Variants in MCTP2 observed in about 807,000 individuals in gnomAD.
MCTP2 encodes multiple C2 and transmembrane domain-containing protein 2.
A neutral mutation model predicts 111.6 loss-of-function variants in MCTP2; 132 were observed. The ratio of observed to expected loss-of-function variants is 1.18; its 90% confidence interval spans 1.03 to 1.37. The LOEUF is 1.37. MCTP2 is among the 40% of genes most tolerant of loss of function. The pLI, the probability that MCTP2 is intolerant of heterozygous loss-of-function variation, is 0.00. For synonymous variants in MCTP2, 395 were observed against 387.7 expected, an observed-to-expected ratio of 1.02 and a Z score of -0.22; for missense variants, 1,183 against 1,067.9, an observed-to-expected ratio of 1.11 and a Z score of -1.50.
Position 94,398,915 on chromosome 15 carries a change from A to G in MCTP2, c.1789-46A>G, listed in dbSNP as rs368399305. On this transcript the variant is annotated intron_variant, in intron 14 of 22. Coordinates refer to ENST00000357742, the MANE Select transcript of MCTP2 (RefSeq NM_001385001.1). ...GTTTTGGTTATTTACTTTAAACCAC[A>G]TAGTAATTTTGCACCAATGTGTATT... 3.1e-5 allele frequency: 36 copies of G among 1,173,570 alleles called. No individual in the cohort carries two copies. The East Asian group carries it at 6.6e-4, about 21-fold the overall frequency. 72.7% of individuals were successfully genotyped at this position (1,173,570 alleles called of 1,614,324 possible).
At chr15:94,456,941 G>A (rs189239695) in intron 19 of MCTP2, among the ~76,000 whole-genome samples, 251 of 152,344 alleles carry the variant, frequency 1.6e-3, no homozygotes, top group Admixed American at 4.2e-3. Context: ...CCTATTGGTA[G>A]TGGGTTCTCT....
At chr15:94,412,840 C>T (rs530462233) in intron 17 of MCTP2, among the ~76,000 whole-genome samples, 8 of 151,566 alleles carry the variant, frequency 5.3e-5, no homozygotes, top group Non-Finnish European at 1.0e-4. Flanking sequence ...CTTTTATAGG[C>T]TAATTCATTA....
chr15:94,413,692 T>C (rs8037281), intron 17 of MCTP2, among the ~76,000 whole-genome samples: 23,517 of 152,094 alleles, frequency 0.15, 2,021 homozygotes, highest in Non-Finnish European at 0.2. Context: ...TTAATGTGAC[T>C]AGGATCACAA....
chr15:94,241,174 T>A (rs1596130128), intron 1 of MCTP2, among the ~76,000 whole-genome samples: 1 of 152,134 alleles, frequency 6.6e-6, no homozygotes, highest in East Asian at 1.9e-4. Flanking sequence ...TTCTAGGATG[T>A]GAGAGCAAAT....
At chr15:94,347,381 G>A (rs74030807) in intron 8 of MCTP2, among the ~76,000 whole-genome samples, 1,524 of 152,204 alleles carry the variant, frequency 0.01, 33 homozygotes, top group African/African-American at 0.035. Context: ...TAGTCCTAAG[G>A]AATGTATTAC....
chr15:94,328,190 G>A (rs1596368826), intron 4 of MCTP2, among the ~76,000 whole-genome samples: 5 of 150,388 alleles, frequency 3.3e-5, no homozygotes, highest in East Asian at 2.0e-4. Flanking sequence ...GTGCAGTGGC[G>A]TGATCTCGGC....
At chr15:94,372,026 C>G (rs546184338) in intron 12 of MCTP2, among the ~76,000 whole-genome samples, 1 of 152,220 alleles carries the variant, frequency 6.6e-6, no homozygotes, top group South Asian at 2.1e-4. Flanking sequence ...AAGAAAGAGT[C>G]TTTGTAAAGA....
chr15:94,332,474 A>G (rs1382614176), intron 4 of MCTP2, among the ~76,000 whole-genome samples: 1 of 152,192 alleles, frequency 6.6e-6, no homozygotes, highest in Non-Finnish European at 1.5e-5. Context: ...TACGTTTTAT[A>G]TGTTTCCAAA....
chr15:94,255,609 G>A (rs373287496), intron 1 of MCTP2, among the ~76,000 whole-genome samples: 12 of 152,240 alleles, frequency 7.9e-5, no homozygotes, highest in African/African-American at 1.2e-4. Context: ...GTTGCATCTC[G>A]TGAAGAATCC....
intron 2 of MCTP2, among the ~76,000 whole-genome samples, chr15:94,309,751 C>G (rs2076043664): frequency 6.6e-6 from 1 of 152,110 alleles, no homozygotes; most frequent in Non-Finnish European, 1.5e-5. Context: ...GTAGGAAAAT[C>G]CACATCTAAA....
At chr15:94,283,413 C>T (rs1041010383) in intron 1 of MCTP2, among the ~76,000 whole-genome samples, 1 of 152,186 alleles carries the variant, frequency 6.6e-6, no homozygotes, top group African/African-American at 2.4e-5. Context: ...GCCAACCCCC[C>T]TTGGCTTTGC....
Position 94,294,172 on chromosome 15 carries a change from T to C in MCTP2, c.-65-4029T>C, listed in dbSNP as rs1212554286. Among the ~76,000 whole-genome samples, 3 of 152,000 alleles carry C rather than the reference T, an allele frequency of 2.0e-5. No individual in the cohort carries two copies. The East Asian group carries it at 5.8e-4, about 29-fold the overall frequency. ...CATTCCCCGAAAGACAAAATGATAG[T>C]GATAGAGAATAGAACGGTGGTTTGC... On this transcript the variant is annotated intron_variant, in intron 1 of 22. Coordinates refer to ENST00000357742, the MANE Select transcript of MCTP2 (RefSeq NM_001385001.1).
intron 17 of MCTP2, among the ~76,000 whole-genome samples, chr15:94,421,397 T>A (rs2082623496): frequency 6.6e-6 from 1 of 152,188 alleles, no homozygotes; most frequent in Admixed American, 6.5e-5. Context: ...TGACAAATTA[T>A]CAAAGACATA....
intron 12 of MCTP2, among the ~76,000 whole-genome samples, chr15:94,377,529 CATTTGTG>C (rs2079843911): frequency 1.3e-5 from 2 of 152,158 alleles, no homozygotes; most frequent in Admixed American, 1.3e-4. Flanking sequence ...GAATTCAGCT[CATTTGTG>C]ACATTCCATG....
Position 94,298,305 on chromosome 15 carries a change from C to T in MCTP2, c.40C>T (p.Gln14Ter), listed in dbSNP as rs766287999. 6.2e-7 allele frequency: 1 copy of T among 1,613,928 alleles called. No individual in the cohort carries two copies. The highest frequency in any genetic ancestry group is 8.5e-7 in the Non-Finnish European group (1 of 1,179,872). The change falls in exon 2 of 23, where the codon CAG (glutamine) becomes TAG (stop). Residue 14 changes from glutamine to a stop codon, truncating the protein, a stop_gained. Transcript: ENST00000357742. LOFTEE classifies it high-confidence loss of function. The part of the protein sequence containing the change: ...DKPSVWGSLK[Q>*]RTRPLLINLS... ...ACCATCTGTTTGGGGCTCATTAAAA[C>T]AGCGGACCAGGCCATTGTTGATCAA...
chr15:94,326,760 G>A (rs1054325538), intron 4 of MCTP2, among the ~76,000 whole-genome samples: 9 of 149,228 alleles, frequency 6.0e-5, no homozygotes, highest in African/African-American at 1.5e-4. Flanking sequence ...TAGAGATGGC[G>A]TTTCACCCTG....
chr15:94,245,489 T>A (rs1375849581), intron 1 of MCTP2, among the ~76,000 whole-genome samples: 1 of 141,118 alleles, frequency 7.1e-6, no homozygotes, highest in African/African-American at 2.6e-5. Flanking sequence ...TATACATACA[T>A]GTATGTATTT....
chr15:94,381,887 CTT>C (rs1231187298), intron 12 of MCTP2, among the ~76,000 whole-genome samples: 2 of 152,186 alleles, frequency 1.3e-5, no homozygotes, highest in African/African-American at 2.4e-5. Context: ...ATAAATAAGA[CTT>C]TTTGTGGGTG....
chr15:94,307,753 T>A (rs966696475), intron 2 of MCTP2, among the ~76,000 whole-genome samples: 2 of 151,954 alleles, frequency 1.3e-5, no homozygotes, highest in African/African-American at 4.8e-5. Flanking sequence ...TATGGAGAAA[T>A]GGCGCACAGG....
Sources: allele counts gnomAD v4.1 joint callset (sites outside exome capture counted in the v4.1 genomes callset), GRCh38; gene constraint gnomAD v4.1.1; transcripts MANE v1.5; gene names NCBI Gene and HGNC (gene_info 2026-07-23, HGNC 2026-07-21).